The following ADAMTS12 variants were observed in gnomAD, a reference collection of about 807,000 sequenced individuals.
The protein encoded by ADAMTS12 is A disintegrin and metalloproteinase with thrombospondin motifs 12.
ADAMTS12 carries 118 observed loss-of-function variants against 167.8 expected under a neutral mutation model. The observed-to-expected ratio is 0.70, with a 90% CI of 0.61 to 0.82. The LOEUF (loss-of-function observed/expected upper bound fraction) is 0.82, where lower values mean the gene tolerates loss of function less well. Among genes scored for constraint, ADAMTS12 ranks in the 40% least tolerant of loss-of-function variants. The pLI is 0.00. For missense variants in ADAMTS12, 1,916 were observed against 1,998.8 expected (o/e 0.96, Z 0.79); for synonymous variants, 704 against 716.9 (o/e 0.98, Z 0.29).
At chr5:33,820,684 C>T (rs1303569582) in intron 2 of ADAMTS12, among the ~76,000 whole-genome samples, 2 of 152,062 alleles carry the variant, frequency 1.3e-5, no homozygotes, top group South Asian at 2.1e-4. Context: ...AGAATAATCT[C>T]ATGCGATCCT....
intron 2 of ADAMTS12, among the ~76,000 whole-genome samples, chr5:33,786,461 C>CTT (rs5867211): frequency 1.8e-3 from 258 of 147,296 alleles, no homozygotes; most frequent in African/African-American, 5.5e-3. Context: ...ATCTAAGAAG[C>CTT]TTTTTTTTTT....
chr5:33,561,493 T>C (rs975450018), intron 19 of ADAMTS12, among the ~76,000 whole-genome samples: 3 of 152,222 alleles, frequency 2.0e-5, no homozygotes, highest in Non-Finnish European at 4.4e-5. Context: ...TTAAAACTTA[T>C]CCTGGCAGGC....
chr5:33,753,568 A>G (rs1745073405), intron 2 of ADAMTS12, among the ~76,000 whole-genome samples: 1 of 152,192 alleles, frequency 6.6e-6, no homozygotes, highest in African/African-American at 2.4e-5. Flanking sequence ...TGTACCTGCT[A>G]TCAGCCCAAT....
chr5:33,706,432 T>C (rs188340499), intron 3 of ADAMTS12, among the ~76,000 whole-genome samples: 7 of 152,320 alleles, frequency 4.6e-5, no homozygotes, highest in Non-Finnish European at 8.8e-5. Context: ...GTTGCATTGA[T>C]CCCTTTACCA....
At chr5:33,661,214 T>G (rs1007293502) in intron 6 of ADAMTS12, among the ~76,000 whole-genome samples, 1 of 152,216 alleles carries the variant, frequency 6.6e-6, no homozygotes, top group African/African-American at 2.4e-5. Flanking sequence ...ATTAAAATAG[T>G]GCCTAGTATA....
At chr5:33,871,681 C>T (rs112399089) in intron 2 of ADAMTS12, among the ~76,000 whole-genome samples, 101 of 151,868 alleles carry the variant, frequency 6.7e-4, no homozygotes, top group African/African-American at 2.3e-3. Flanking sequence ...ATAGTAACAC[C>T]AAAAGCTGAT....
At chr5:33,587,608 C>T (rs1747421538) in intron 18 of ADAMTS12, among the ~76,000 whole-genome samples, 1 of 152,148 alleles carries the variant, frequency 6.6e-6, no homozygotes, top group Non-Finnish European at 1.5e-5. Context: ...GCATGTGCCA[C>T]CATGACTGGC....
At chr5:33,754,717 G>A (rs1745111925) in intron 2 of ADAMTS12, among the ~76,000 whole-genome samples, 2 of 152,188 alleles carry the variant, frequency 1.3e-5, no homozygotes, top group South Asian at 4.2e-4. Flanking sequence ...TTAGCCAGGT[G>A]TGGTGGCACG....
chr5:33,858,672 A>AG (rs1432682856), intron 2 of ADAMTS12, among the ~76,000 whole-genome samples: 94 of 74,374 alleles, frequency 1.3e-3, no homozygotes, highest in African/African-American at 4.2e-3. Flanking sequence ...AAAAAAAAAG[A>AG]AAAGAAAAAA....
intron 3 of ADAMTS12, among the ~76,000 whole-genome samples, chr5:33,744,141 TGA>T (rs1744700140): frequency 6.6e-6 from 1 of 152,170 alleles, no homozygotes; most frequent in Admixed American, 6.5e-5. Context: ...TAAGCAGACA[TGA>T]TTCCTGTCCC....
At chr5:33,828,787 T>C (rs1748189213) in intron 2 of ADAMTS12, among the ~76,000 whole-genome samples, 1 of 152,186 alleles carries the variant, frequency 6.6e-6, no homozygotes. Flanking sequence ...GATCCCACTG[T>C]ACTGTGGCAG....
At chr5:33,609,384 T>C (rs13353882) in intron 16 of ADAMTS12, among the ~76,000 whole-genome samples, 83,861 of 147,264 alleles carry the variant, frequency 0.57, 23,847 homozygotes, top group East Asian at 0.81. Context: ...TTTTTTTTTT[T>C]TTTGGAGAGA....
intron 3 of ADAMTS12, among the ~76,000 whole-genome samples, chr5:33,732,615 G>A (rs1045490330): frequency 4.6e-5 from 7 of 152,140 alleles, no homozygotes; most frequent in African/African-American, 1.7e-4. Context: ...CAACAAATTA[G>A]AGAAGATTTA....
chr5:33,555,586 T>C (rs149220092), intron 20 of ADAMTS12, among the ~76,000 whole-genome samples: 298 of 152,308 alleles, frequency 2.0e-3, no homozygotes, highest in Non-Finnish European at 2.9e-3. Flanking sequence ...AACCGGCATG[T>C]GTCCTACAAC....
At chr5:33,664,544 A>G (rs1047197190) in intron 5 of ADAMTS12, among the ~76,000 whole-genome samples, 7 of 152,228 alleles carry the variant, frequency 4.6e-5, no homozygotes, top group African/African-American at 1.7e-4. Flanking sequence ...ACAGATACAC[A>G]TATAAAAATT....
intron 7 of ADAMTS12, 99 bp downstream of exon 7, chr5:33,658,085 C>T (rs1741124392): frequency 6.8e-7 from 1 of 1,460,950 alleles, no homozygotes; most frequent in Non-Finnish European, 9.4e-7. Flanking sequence ...TAATCTGAGT[C>T]TCCTGACCCC....
chr5:33,561,570 C>A (rs548013588), intron 19 of ADAMTS12, among the ~76,000 whole-genome samples: 1 of 152,266 alleles, frequency 6.6e-6, no homozygotes, highest in African/African-American at 2.4e-5. Context: ...ATCCTTTGAG[C>A]CCAGGAGTTT....
chr5:33,637,354 C>A (rs1258127932), intron 12 of ADAMTS12, among the ~76,000 whole-genome samples: 2 of 152,144 alleles, frequency 1.3e-5, no homozygotes, highest in Non-Finnish European at 2.9e-5. Context: ...TTATAAACTT[C>A]TTTTATCTCC....
chr5:33,709,287 C>G (rs1327505278), intron 3 of ADAMTS12, among the ~76,000 whole-genome samples: 1 of 152,200 alleles, frequency 6.6e-6, no homozygotes, highest in Non-Finnish European at 1.5e-5. Flanking sequence ...TTATGGAAGA[C>G]AGTGTGGTGA....
Sources: allele counts gnomAD v4.1 joint callset (sites outside exome capture counted in the v4.1 genomes callset), GRCh38; gene constraint gnomAD v4.1.1; transcripts MANE v1.5; gene names NCBI Gene and HGNC (gene_info 2026-07-23, HGNC 2026-07-21).